The following SLC24A2 variants were observed in gnomAD, a reference collection of about 807,000 sequenced individuals.
SLC24A2 encodes sodium/potassium/calcium exchanger 2.
SLC24A2 carries 36 observed loss-of-function variants against 62.0 expected under a neutral mutation model. The ratio of observed to expected loss-of-function variants is 0.58; its 90% CI spans 0.44 to 0.77. The LOEUF is 0.77. Among genes scored for constraint, SLC24A2 ranks in the 30% least tolerant of loss-of-function variants. The pLI, the probability that SLC24A2 is intolerant of heterozygous loss-of-function variation, is 0.00. For synonymous variants in SLC24A2, 358 were observed against 294.0 expected (o/e 1.22, Z -2.23); for missense variants, 846 against 817.9 (o/e 1.03, Z -0.42).
the SLC24A2 span, among the ~76,000 whole-genome samples, chr9:20,279,335 A>G: frequency 3.3e-5 from 5 of 152,150 alleles, no homozygotes; most frequent in Admixed American, 2.6e-4. Context: ...GTTCAAGACC[A>G]GCTTGTCCAA....
At chr9:19,583,617 G>A (rs1443672255) in intron 5 of SLC24A2, among the ~76,000 whole-genome samples, 1 of 152,146 alleles carries the variant, frequency 6.6e-6, no homozygotes, top group African/African-American at 2.4e-5. Context: ...GTACGCCAAT[G>A]ACCCAGAGTA....
the SLC24A2 span, among the ~76,000 whole-genome samples, chr9:20,068,745 A>G: frequency 2.0e-5 from 3 of 152,168 alleles, no homozygotes; most frequent in African/African-American, 7.2e-5. Flanking sequence ...GTCTGCCCAA[A>G]TTAGGGCTGA....
At chr9:19,638,755 G>A (rs1268891168) in intron 2 of SLC24A2, among the ~76,000 whole-genome samples, 1 of 152,116 alleles carries the variant, frequency 6.6e-6, no homozygotes, top group Non-Finnish European at 1.5e-5. Context: ...CTATCTCAGA[G>A]GGTTGTTTAA....
At chr9:19,571,481 C>T (rs1187547362) in intron 7 of SLC24A2, among the ~76,000 whole-genome samples, 2 of 151,886 alleles carry the variant, frequency 1.3e-5, no homozygotes, top group African/African-American at 2.4e-5. Flanking sequence ...TATCACTTTT[C>T]AGCTCATTGG....
intron 5 of SLC24A2, among the ~76,000 whole-genome samples, chr9:19,593,395 G>A (rs911490616): frequency 6.6e-6 from 1 of 152,234 alleles, no homozygotes; most frequent in African/African-American, 2.4e-5. Context: ...GGGGAGAGGA[G>A]GTTGGGTGTG....
At chr9:20,264,705 G>T in the SLC24A2 span, among the ~76,000 whole-genome samples, 1 of 151,992 alleles carries the variant, frequency 6.6e-6, no homozygotes, top group Non-Finnish European at 1.5e-5. Context: ...AATAACCTGT[G>T]GTAAAATATA....
At chr9:20,017,128 T>C in the SLC24A2 span, among the ~76,000 whole-genome samples, 1 of 152,168 alleles carries the variant, frequency 6.6e-6, no homozygotes, top group Non-Finnish European at 1.5e-5. Flanking sequence ...CTTCAAGCAA[T>C]TTGTGTGCCT....
At chr9:20,066,710 G>A in the SLC24A2 span, among the ~76,000 whole-genome samples, 1 of 152,156 alleles carries the variant, frequency 6.6e-6, no homozygotes, top group African/African-American at 2.4e-5. Context: ...AGGGCTACTA[G>A]GAGTGAATCC....
chr9:20,247,826 A>T, the SLC24A2 span, among the ~76,000 whole-genome samples: 1 of 152,212 alleles, frequency 6.6e-6, no homozygotes, highest in African/African-American at 2.4e-5. Flanking sequence ...TTGAATTCAA[A>T]CTTATTTACT....
At chr9:19,963,154 T>C in the SLC24A2 span, among the ~76,000 whole-genome samples, 1 of 145,606 alleles carries the variant, frequency 6.9e-6, no homozygotes, top group Non-Finnish European at 1.5e-5. Context: ...CTGGGAAAAC[T>C]GGCTAGCCAT....
chr9:19,729,119 A>G (rs955116690), intron 2 of SLC24A2, among the ~76,000 whole-genome samples: 1 of 152,246 alleles, frequency 6.6e-6, no homozygotes, highest in Non-Finnish European at 1.5e-5. Flanking sequence ...ACTAATGGCC[A>G]GCAAATATAT....
intron 8 of SLC24A2, among the ~76,000 whole-genome samples, chr9:19,528,770 C>A (rs570531646): frequency 6.6e-6 from 1 of 152,302 alleles, no homozygotes; most frequent in East Asian, 1.9e-4. Context: ...CCAGAGTAGA[C>A]AGAGGCAGAA....
rs58616827 is a variant in SLC24A2 at position 19,673,444 on chromosome 9, CGTGTGT to C, written c.931-51151_931-51146del. ...GTTCTTGTGTGTGTATGTGTGTGTG[CGTGTGT>C]GTGTGTGTGTGTGTTTGAGACACAG... is the stretch of plus-strand genomic sequence containing the variant. On this transcript the variant is annotated intron_variant, in intron 2 of 10. Transcript: ENST00000341998. 3.9e-5 allele frequency among the ~76,000 whole-genome samples: 5 copies of C among 129,790 alleles called. 1 individual carries two copies. The highest frequency in any genetic ancestry group is 1.1e-4 in the African/African-American group (3 of 28,162). 85.1% of individuals were successfully genotyped at this position (129,790 alleles called of 152,430 possible). A position where few individuals can be genotyped will look rare whatever the true frequency, so the allele number is the denominator to read the frequency against.
At chr9:20,265,829 G>A in the SLC24A2 span, among the ~76,000 whole-genome samples, 3 of 152,198 alleles carry the variant, frequency 2.0e-5, no homozygotes, top group African/African-American at 7.2e-5. Context: ...TTCTCAGCAA[G>A]GAACATTCCT....
At chr9:20,150,157 G>A in the SLC24A2 span, among the ~76,000 whole-genome samples, 1 of 151,986 alleles carries the variant, frequency 6.6e-6, no homozygotes, top group Non-Finnish European at 1.5e-5. Flanking sequence ...AGGTCATATA[G>A]CTTGAACAAG....
chr9:20,277,469 G>A, the SLC24A2 span, among the ~76,000 whole-genome samples: 50,147 of 151,214 alleles, frequency 0.33, 9,494 homozygotes, highest in African/African-American at 0.47. Context: ...TTAGGCAGCC[G>A]CAAGACACAT....
At chr9:20,090,998 A>T in the SLC24A2 span, among the ~76,000 whole-genome samples, 2 of 152,196 alleles carry the variant, frequency 1.3e-5, no homozygotes, top group Non-Finnish European at 2.9e-5. Flanking sequence ...TAGACAGTAT[A>T]AAACAGAACC....
chr9:20,183,625 A>C, the SLC24A2 span, among the ~76,000 whole-genome samples: 4 of 152,360 alleles, frequency 2.6e-5, no homozygotes, highest in Non-Finnish European at 5.9e-5. Context: ...AGATTCATGC[A>C]GGATATGCAC....
chr9:19,555,420 T>G (rs948797007), intron 7 of SLC24A2, among the ~76,000 whole-genome samples: 1 of 152,198 alleles, frequency 6.6e-6, no homozygotes, highest in Non-Finnish European at 1.5e-5. Flanking sequence ...ATTTGTAACC[T>G]GTACCCAACA....
Sources: allele counts gnomAD v4.1 joint callset (sites outside exome capture counted in the v4.1 genomes callset), GRCh38; gene constraint gnomAD v4.1.1; transcripts MANE v1.5; gene names NCBI Gene and HGNC (gene_info 2026-07-23, HGNC 2026-07-21).